The following PODNL1 variants were observed in gnomAD, a reference collection of about 807,000 sequenced individuals.
PODNL1 encodes podocan like 1.
A neutral mutation model predicts 45.1 loss-of-function variants in PODNL1; 50 were observed. The ratio of observed to expected loss-of-function variants is 1.11; its 90% CI spans 0.88 to 1.40. The LOEUF is 1.40. PODNL1 is among the 40% of genes most tolerant of loss of function. The pLI is 0.00. For missense variants in PODNL1, 788 were observed against 793.3 expected, an observed-to-expected ratio of 0.99 and a Z score of 0.08; for synonymous variants, 406 against 372.5, an observed-to-expected ratio of 1.09 and a Z score of -1.04.
chr19:13,936,108 C>A lies in PODNL1; in HGVS notation c.320-64G>T. Reference sequence around the variant, plus strand: ...GTCTTGGGTGGAGGGGGAGTCTGGGCTCCCAGCTGCCCCAGGACTCTCGGC... The same window carrying A: ...GTCTTGGGTGGAGGGGGAGTCTGGGATCCCAGCTGCCCCAGGACTCTCGGC... On this transcript the variant is annotated intron_variant, in intron 3 of 9. Coordinates refer to ENST00000588872, the MANE Select transcript of PODNL1 (RefSeq NM_001370095.3). The A allele has an allele frequency of 2.9e-6, 4 of 1,383,832 alleles. No homozygotes were observed. In the East Asian group the frequency reaches 7.5e-5, roughly 26 times the overall value. The allele number at this position is 1,383,832 out of a possible 1,614,324, so 85.7% of individuals were successfully genotyped here.
rs1469889981 is a variant in PODNL1, at chr19:13,931,827, C to T, written c.1635G>A (p.Leu545=). 1.6e-6 allele frequency: 2 copies of T among 1,231,836 alleles called. No homozygotes were observed. Among genetic ancestry groups the T allele is most frequent in the Non-Finnish European group, 2.0e-6 (2 of 987,944 alleles). 76.3% of individuals were successfully genotyped at this position (1,231,836 alleles called of 1,614,324 possible). A position where few individuals can be genotyped will look rare whatever the true frequency, so the allele number is the denominator to read the frequency against. ...AAEAFLGLPN[L]RVVDTAGNPE... Reference sequence around the variant, plus strand: ...GATTCCCTGCCGTGTCCACCACACGCAGGTTTGGGAGCCCCAGGAAGGCCT... The same window carrying T: ...GATTCCCTGCCGTGTCCACCACACGTAGGTTTGGGAGCCCCAGGAAGGCCT... Residue 545 remains leucine, a synonymous_variant, in exon 10 of 10, where the codon CTG becomes CTA. Transcript: ENST00000588872.
At chr19:13,940,449 T>C (rs1235099788), upstream of PODNL1, among the ~76,000 whole-genome samples, 3 of 149,878 alleles carry the variant, frequency 2.0e-5, no homozygotes, top group Non-Finnish European at 3.0e-5. Context: ...TGCGCGCCTG[T>C]AGTCCCAGCT....
chr19:13,942,837 A>C (rs577706294), upstream of PODNL1, among the ~76,000 whole-genome samples: 22 of 151,594 alleles, frequency 1.5e-4, 1 homozygote, highest in South Asian at 4.2e-3. Context: ...ATACAAAAAA[A>C]AACAACAAAA....
chr19:13,940,585 A>AC (rs1209760535), upstream of PODNL1, among the ~76,000 whole-genome samples: 3 of 126,666 alleles, frequency 2.4e-5, no homozygotes, highest in Non-Finnish European at 5.0e-5. Flanking sequence ...AAAAAAAAAA[A>AC]AAAAAACTTA....
At position 13,933,306 on chromosome 19, in the gene PODNL1, A is replaced by G; in HGVS notation, c.917T>C (p.Leu306Pro). The part of the protein sequence containing the change: ...EAARLHGARG[L>P]RYLLLQHNQL... The stretch of plus-strand genomic sequence containing the variant: ...GTTGTGCTGCAGCAACAAATAGCGC[A>G]GACCACGCGCCCCGTGCAGCCGAGC... Residue 306 changes from leucine (L) to proline (P), a missense_variant, in exon 8 of 10, where the codon CTG becomes CCG. Transcript: ENST00000588872. The surrounding 1 kb of genome is among the most constrained non-coding windows in gnomAD (Gnocchi z 5.2). 1 of 1,588,920 alleles carries G rather than the reference A, an allele frequency of 6.3e-7. No homozygotes were observed.
rs774095393 is a variant in PODNL1 at position 13,937,834 on chromosome 19, C to T, written c.176G>A (p.Arg59Gln). 1.3e-5 allele frequency: 20 copies of T among 1,596,354 alleles called. 1 individual carries two copies. In the East Asian group the frequency reaches 2.9e-4, roughly 23 times the overall value. ...TCTGGTGATGTTGTCCGGGAACACT[C>T]GAAGGTCCAAGCCATCACAGTCCAC... The part of the protein sequence containing the change: ...DTVDCDGLDL[R>Q]VFPDNITRAA... Residue 59 changes from arginine (R) to glutamine (Q), a missense_variant, in exon 2 of 10, where the codon CGA becomes CAA. Physicochemically the swap from Arg to Gln is conservative, Grantham distance 43. Around this residue, in one of 3 missense-constraint regions of PODNL1, gnomAD observed 762 missense variants for 750.9 expected, o/e 1.01. Coordinates refer to ENST00000588872, the MANE Select transcript of PODNL1 (RefSeq NM_001370095.3).
rs995957307 is a variant in PODNL1 at position 13,932,017 on chromosome 19, G to A, written c.1521C>T (p.His507=). 8.9e-6 allele frequency: 11 copies of A among 1,232,300 alleles called. No individual in the cohort carries two copies. Among genetic ancestry groups the A allele is most frequent in the East Asian group, 3.2e-5 (1 of 31,712 alleles). The allele number at this position is 1,232,300 out of a possible 1,614,324, so 76.3% of individuals were successfully genotyped here. A position where few individuals can be genotyped will look rare whatever the true frequency, so the allele number is the denominator to read the frequency against. ...TGCTGAGGAAGGCCTCGGGGCCCAC[G>A]TGGCCGATGCGGTTGCCCTCGAGGT... ...ELHLEGNRIG[H]VGPEAFLSTP... is the part of the protein sequence containing the mutation. The change falls in exon 9 of 10, where the codon CAC becomes CAT. Residue 507 remains histidine (H), a synonymous_variant. Coordinates refer to ENST00000588872, the MANE Select transcript of PODNL1 (RefSeq NM_001370095.3).
intron 1 of PODNL1, among the ~76,000 whole-genome samples, chr19:13,950,793 T>C (rs113123738): frequency 0.028 from 4,220 of 152,042 alleles, 190 homozygotes; most frequent in African/African-American, 0.096. Context: ...GCCTGTAATC[T>C]CAGCACTTTG....
intron 1 of PODNL1, among the ~76,000 whole-genome samples, chr19:13,945,346 TAA>T: frequency 7.1e-6 from 1 of 141,028 alleles, no homozygotes; most frequent in East Asian, 2.1e-4. Flanking sequence ...CCCTCATCTC[TAA>T]AAAAAAAAAA....
intron 1 of PODNL1, among the ~76,000 whole-genome samples, chr19:13,947,090 T>C (rs1255088025): frequency 1.4e-5 from 2 of 138,198 alleles, no homozygotes; most frequent in Non-Finnish European, 3.1e-5. Flanking sequence ...TTTATAATAA[T>C]TGTTGTAGGC....
intron 5 of PODNL1, among the ~76,000 whole-genome samples, chr19:13,935,339 AATTTTGAGACAG>A (rs1451718811): frequency 4.6e-5 from 7 of 151,822 alleles, no homozygotes; most frequent in Non-Finnish European, 1.0e-4. Context: ...TTTTGTTTTT[AATTTTGAGACAG>A]AGTCTCACTC....
chr19:13,948,620 G>T (rs113270232), intron 1 of PODNL1, among the ~76,000 whole-genome samples: 2,491 of 148,828 alleles, frequency 0.017, 25 homozygotes, highest in South Asian at 0.025. Flanking sequence ...AGACCATTCT[G>T]CACATAGCAG....
intron 1 of PODNL1, among the ~76,000 whole-genome samples, chr19:13,948,183 ATTTTC>A (rs932203302): frequency 2.7e-4 from 40 of 146,864 alleles, no homozygotes; most frequent in Non-Finnish European, 4.8e-4. Context: ...AATATTCTCC[ATTTTC>A]TTTTCTTTTC....
rs567530803 is a variant in PODNL1, at chr19:13,931,679, A to G, written c.*58T>C. 4.4e-5 allele frequency: 54 copies of G among 1,230,168 alleles called. No individual in the cohort carries two copies. The South Asian group carries it at 1.8e-3, about 42-fold the overall frequency. The allele number at this position is 1,230,168 out of a possible 1,614,324, so 76.2% of individuals were successfully genotyped here. A position where few individuals can be genotyped will look rare whatever the true frequency, so the allele number is the denominator to read the frequency against. On this transcript the variant is annotated 3_prime_UTR_variant, in exon 10 of 10. Coordinates refer to ENST00000588872, the MANE Select transcript of PODNL1 (RefSeq NM_001370095.3). ...GGCCCCTGGTGGGCGTTGTCTCCTC[A>G]GTCCACGGCCCAGCGGAGTCCCAGG...
At chr19:13,934,460 C>A in intron 5 of PODNL1, 50 bp from the exon 6 acceptor site, 3 of 1,454,186 alleles carry the variant, frequency 2.1e-6, no homozygotes, top group South Asian at 1.4e-5. Context: ...CCTCCTACCA[C>A]CCCACTCCCG....
At chr19:13,935,365 C>T (rs534974717) in intron 5 of PODNL1, among the ~76,000 whole-genome samples, 17 of 152,218 alleles carry the variant, frequency 1.1e-4, no homozygotes, top group Admixed American at 7.9e-4. Context: ...CTCACTCTGT[C>T]GCCCAGGCTT....
chr19:13,946,562 C>T (rs1972821038), intron 1 of PODNL1, among the ~76,000 whole-genome samples: 1 of 152,124 alleles, frequency 6.6e-6, no homozygotes, highest in South Asian at 2.1e-4. Context: ...CCACTGGTCT[C>T]CAAAGTTGGG....
Position 13,934,292 on chromosome 19 carries a change from G to A in PODNL1, c.613C>T (p.Pro205Ser), listed in dbSNP as rs1409570213. 2 of 1,536,412 alleles carry A rather than the reference G, an allele frequency of 1.3e-6. No homozygotes were observed. Among genetic ancestry groups the A allele is most frequent in the Admixed American group, 2.1e-5 (1 of 47,752 alleles). The change falls in exon 6 of 10, where the codon CCC becomes TCC. Residue 205 changes from proline to serine, a missense_variant. Pro to Ser is a moderately conservative substitution (Grantham distance 74, BLOSUM62 -1). This residue lies in a region of PODNL1 where 762 missense variants were observed against 750.9 expected (regional missense o/e 1.01). Coordinates refer to ENST00000588872, the MANE Select transcript of PODNL1 (RefSeq NM_001370095.3). ...CGCTCGAGTGAGGGCGGCAGGCTGG[G>A]CGGCAGGTAGCTGAGCTGGTTGTTG... Reference protein sequence around the residue: ...LSNNQLSYLPPSLPPSLERLH... With the variant: ...LSNNQLSYLPSSLPPSLERLH...
chr19:13,942,289 A>G (rs1283885793), upstream of PODNL1, among the ~76,000 whole-genome samples: 1 of 152,094 alleles, frequency 6.6e-6, no homozygotes, highest in Non-Finnish European at 1.5e-5. Context: ...TTGAACTCTG[A>G]ACTCTACTTG....
Sources: allele counts gnomAD v4.1 joint callset (sites outside exome capture counted in the v4.1 genomes callset), GRCh38; gene constraint gnomAD v4.1.1; regional missense constraint gnomAD v4.1.1; non-coding constraint Gnocchi (gnomAD v3.1); transcripts MANE v1.5; gene names NCBI Gene and HGNC (gene_info 2026-07-23, HGNC 2026-07-21).